The following MYLK variants were observed in gnomAD, a reference collection of about 807,000 sequenced individuals.
MYLK encodes myosin light chain kinase, also known as myosin light chain kinase, smooth muscle.
MYLK carries 106 observed loss-of-function variants against 203.4 expected under a neutral mutation model. That is an observed-to-expected ratio of 0.52 (90% CI 0.45 to 0.61). The LOEUF is 0.61. Among genes scored for constraint, MYLK ranks in the 20% least tolerant of loss-of-function variants. MYLK has a pLI of 0.00. For synonymous variants in MYLK, 867 were observed against 959.5 expected, an observed-to-expected ratio of 0.90 and a Z score of 1.78; for missense variants, 2,072 against 2,442.3, an observed-to-expected ratio of 0.85 and a Z score of 3.20.
At chr3:123,776,841 G>T (rs960864819) in intron 4 of MYLK, among the ~76,000 whole-genome samples, 5 of 152,184 alleles carry the variant, frequency 3.3e-5, no homozygotes, top group Non-Finnish European at 7.4e-5. Context: ...GGATGGGATT[G>T]AATTAAAAAT....
chr3:123,725,528 T>C (rs758805476), intron 12 of MYLK, among the ~76,000 whole-genome samples: 6 of 152,288 alleles, frequency 3.9e-5, no homozygotes, highest in South Asian at 2.1e-4. Flanking sequence ...TTGAGAGTGG[T>C]TCATTAGTTT....
Position 123,709,789 on chromosome 3 carries a change from C to T in MYLK, c.1909G>A (p.Gly637Arg), listed in dbSNP as rs751096220. ...QGLSDLKVMD[G>R]SQVTMTVQVS... ...TGGACAGTCATAGTGACCTGGCTTCCATCCATGACTTTGAGATCAGAGAGG... is the reference window on the plus strand; with the variant it reads ...TGGACAGTCATAGTGACCTGGCTTCTATCCATGACTTTGAGATCAGAGAGG... Residue 637 changes from glycine (G) to arginine (R), a missense_variant, in exon 14 of 34, where the codon GGA (glycine) becomes AGA (arginine). Coordinates refer to ENST00000360304, the MANE Select transcript of MYLK (RefSeq NM_053025.4). 2 of 1,614,142 alleles carry T rather than the reference C, an allele frequency of 1.2e-6. No individual in the cohort carries two copies. The highest frequency in any genetic ancestry group is 1.7e-6 in the Non-Finnish European group (2 of 1,180,000).
At chr3:123,805,437 C>T (rs2065335427) in intron 3 of MYLK, among the ~76,000 whole-genome samples, 2 of 152,212 alleles carry the variant, frequency 1.3e-5, no homozygotes, top group African/African-American at 4.8e-5. Context: ...CTCCAACACG[C>T]CAGAGGAGGG....
intron 3 of MYLK, among the ~76,000 whole-genome samples, chr3:123,807,014 G>T (rs2065392395): frequency 6.6e-6 from 1 of 152,100 alleles, no homozygotes; most frequent in Non-Finnish European, 1.5e-5. Flanking sequence ...AACACCCGAA[G>T]CTCAAAGACC....
At position 123,657,155 on chromosome 3, in the gene MYLK, T is replaced by C; in HGVS notation, c.4259A>G (p.Glu1420Gly). 1 of 1,614,210 alleles carries C rather than the reference T, an allele frequency of 6.2e-7. No homozygotes were observed. The highest frequency in any genetic ancestry group is 1.1e-5 in the South Asian group (1 of 91,080). Reference sequence around the variant, plus strand: ...AGGTTTCTCTCCTACCGTTGTGAGTTCAGACTCCTGGCTTGGCTCACTGGT... The same window carrying C: ...AGGTTTCTCTCCTACCGTTGTGAGTCCAGACTCCTGGCTTGGCTCACTGGT... ...YGTSEPSQESELTTVGEKPEE... is the reference protein window; with the variant it reads ...YGTSEPSQESGLTTVGEKPEE... The change falls in exon 24 of 34, where the codon GAA becomes GGA. Residue 1420 changes from glutamate (E) to glycine (G), a missense_variant. Physicochemically the swap from Glu to Gly is moderately conservative, Grantham distance 98. Transcript: ENST00000360304.
intron 2 of MYLK, among the ~76,000 whole-genome samples, chr3:123,840,044 G>A (rs1450162709): frequency 6.6e-6 from 1 of 152,010 alleles, no homozygotes; most frequent in Non-Finnish European, 1.5e-5. Flanking sequence ...GGGGATGCAG[G>A]AAAAGGTCAG....
At chr3:123,694,740 C>A (rs1225159023) in intron 18 of MYLK, among the ~76,000 whole-genome samples, 1 of 152,248 alleles carries the variant, frequency 6.6e-6, no homozygotes, top group Non-Finnish European at 1.5e-5. Context: ...TCTCCCAGGG[C>A]AAGGCATGGG....
intron 2 of MYLK, among the ~76,000 whole-genome samples, chr3:123,862,825 T>C (rs989487445): frequency 2.0e-4 from 30 of 152,112 alleles, no homozygotes; most frequent in African/African-American, 6.8e-4. Flanking sequence ...TTCCAAGTTT[T>C]TCCGTCTTTT....
At chr3:123,627,018 G>A in intron 30 of MYLK, 77 bp from the exon 31 acceptor site, 1 of 1,563,774 alleles carries the variant, frequency 6.4e-7, no homozygotes, top group East Asian at 2.3e-5. Flanking sequence ...GAAATGGGAG[G>A]CCACCTGTCC....
intron 13 of MYLK, among the ~76,000 whole-genome samples, chr3:123,719,041 G>A (rs1288239311): frequency 6.6e-6 from 1 of 152,228 alleles, no homozygotes; most frequent in African/African-American, 2.4e-5. Context: ...AGGATTTGGA[G>A]AAGAAGAGAG....
At chr3:123,757,894 C>T (rs905346252) in intron 4 of MYLK, among the ~76,000 whole-genome samples, 3 of 152,080 alleles carry the variant, frequency 2.0e-5, no homozygotes, top group African/African-American at 7.2e-5. Flanking sequence ...TGTTGTTTCT[C>T]CTATGATAAA....
At chr3:123,731,912 T>C (rs185426547) in intron 11 of MYLK, among the ~76,000 whole-genome samples, 45 of 152,230 alleles carry the variant, frequency 3.0e-4, no homozygotes, top group Non-Finnish European at 4.1e-4. Flanking sequence ...TCAGTCAGGA[T>C]TGGCAGAAGA....
chr3:123,653,127 G>A (rs931819457), intron 24 of MYLK, among the ~76,000 whole-genome samples: 4 of 152,072 alleles, frequency 2.6e-5, no homozygotes, highest in South Asian at 4.1e-4. Flanking sequence ...AACATTAGCC[G>A]GGCTTCATGG....
chr3:123,793,380 G>A (rs552599364), intron 4 of MYLK, among the ~76,000 whole-genome samples: 28 of 152,190 alleles, frequency 1.8e-4, no homozygotes, highest in African/African-American at 3.9e-4. Context: ...CCACCGGACC[G>A]CGTCTTCTTT....
chr3:123,643,616 A>G (rs1402774374), intron 27 of MYLK, among the ~76,000 whole-genome samples: 1 of 152,240 alleles, frequency 6.6e-6, no homozygotes, highest in East Asian at 1.9e-4. Flanking sequence ...GGTTTGATAG[A>G]CAGAAACTGC....
In MYLK at chr3:123,700,145, T is replaced by C. The variant is rs755132285; in HGVS notation, c.3323A>G (p.His1108Arg). The change falls in exon 18 of 34, where the codon CAT becomes CGT. Residue 1108 changes from histidine to arginine, a missense_variant. Physicochemically the swap from His to Arg is conservative, Grantham distance 29. Around this residue, in one of 3 missense-constraint regions of MYLK, gnomAD observed 865 missense variants for 1,016.0 expected, o/e 0.85. Coordinates refer to ENST00000360304, the MANE Select transcript of MYLK (RefSeq NM_053025.4). Reference protein sequence around the residue: ...PAFKQKLQDVHVAEGKKLLLQ... With the variant: ...PAFKQKLQDVRVAEGKKLLLQ... ...CAGCAGCTTCTTGCCCTCTGCCACA[T>C]GAACATCTTGCAGCTTCTGCTTGAA... is the stretch of plus-strand genomic sequence containing the variant. 1.9e-6 allele frequency: 3 copies of C among 1,614,010 alleles called. No individual in the cohort carries two copies. Among genetic ancestry groups the C allele is most frequent in the East Asian group, 2.2e-5 (1 of 44,854 alleles).
chr3:123,752,346 C>A lies in MYLK; in HGVS notation c.358G>T (p.Glu120Ter). The part of the protein sequence containing the change: ...NGSGARQVTV[E>*]LTVEGSFAKQ... Reference sequence around the variant, plus strand: ...TGGGACTCACCTTCTACTGTCAACTCCACTGTCACCTGGCGAGCACCACTG... The same window carrying A: ...TGGGACTCACCTTCTACTGTCAACTACACTGTCACCTGGCGAGCACCACTG... Residue 120 changes from glutamate to a stop codon, truncating the protein, a stop_gained, in exon 5 of 34, where the codon GAG becomes TAG. Transcript: ENST00000360304. LOFTEE classifies it high-confidence loss of function. 1 of 1,614,110 alleles carries A rather than the reference C, an allele frequency of 6.2e-7. No homozygotes were observed. The highest frequency in any genetic ancestry group is 2.2e-5 in the East Asian group (1 of 44,866).
intron 3 of MYLK, chr3:123,814,234 G>T: frequency 4.4e-6 from 1 of 225,694 alleles, no homozygotes; most frequent in Non-Finnish European, 9.1e-6. Context: ...AAAGACAAAG[G>T]TATCTTCCCC....
chr3:123,856,165 A>G (rs1468541193), intron 2 of MYLK, among the ~76,000 whole-genome samples: 3 of 152,212 alleles, frequency 2.0e-5, no homozygotes, highest in Non-Finnish European at 4.4e-5. Context: ...TGGAATCAAC[A>G]AATGGAGAAT....
Sources: gnomAD v4.1 joint callset for allele counts (sites outside exome capture counted in the v4.1 genomes callset) on GRCh38, gnomAD v4.1.1 for gene constraint, gnomAD v4.1.1 regional missense constraint, MANE v1.5 for transcripts, NCBI Gene and HGNC (gene_info 2026-07-23, HGNC 2026-07-21) for gene names.